Variants in FKBP2 observed in about 807,000 individuals in gnomAD.
FKBP2 encodes peptidyl-prolyl cis-trans isomerase FKBP2.
Under a neutral mutation model 19.4 loss-of-function variants are expected in FKBP2, and 15 were observed. The observed-to-expected ratio is 0.77, with a 90% confidence interval of 0.52 to 1.19. The LOEUF is 1.19. Ranked by LOEUF, FKBP2 falls within the 50% of genes most tolerant of loss-of-function variation. The pLI is 0.00. For synonymous variants in FKBP2, 76 were observed against 74.8 expected, an observed-to-expected ratio of 1.02 and a Z score of -0.08; for missense variants, 170 against 179.0, an observed-to-expected ratio of 0.95 and a Z score of 0.29.
intron 2 of FKBP2, 149 bp downstream of exon 2, chr11:64,242,707 C>T: frequency 1.2e-6 from 1 of 866,450 alleles, no homozygotes; most frequent in Non-Finnish European, 1.7e-6. Context: ...CTGCCTTGCC[C>T]TTGCCTACTG....
At chr11:64,243,047 TG>T in intron 2 of FKBP2, 151 bp from the exon 3 acceptor site, 1 of 665,826 alleles carries the variant, frequency 1.5e-6, no homozygotes, top group Non-Finnish European at 2.7e-6. Context: ...ACTCCAGCCA[TG>T]GCAACAGAGA....
intron 3 of FKBP2, 35 bp downstream of exon 3, chr11:64,243,346 C>A: frequency 6.3e-7 from 1 of 1,596,956 alleles, no homozygotes; most frequent in South Asian, 1.1e-5. Context: ...GGAGTGGGGG[C>A]GTGCATGGCC....
In FKBP2 at chr11:64,244,121, T is replaced by C; in HGVS notation, c.*92T>C. 2 of 1,424,330 alleles carry C rather than the reference T, an allele frequency of 1.4e-6. No homozygotes were observed. The highest frequency in any genetic ancestry group is 1.9e-6 in the Non-Finnish European group (2 of 1,031,508). 88.2% of individuals were successfully genotyped at this position (1,424,330 alleles called of 1,614,324 possible). On this transcript the variant is annotated 3_prime_UTR_variant, in exon 6 of 6. Transcript: ENST00000309366. The stretch of plus-strand genomic sequence containing the variant: ...AAAACAAAAACAAACAAAAAAACAC[T>C]TAAAAGCCCAAGGAGTAAGCCTGTG...
rs762932526 is a variant in FKBP2, at chr11:64,243,957, C to T, written c.368-11C>T. The stretch of plus-strand genomic sequence containing the variant: ...CCTGGTTGGCATTTTGACTCCCCTT[C>T]TCCCCTACAGGTGGTGCAACCCTGG... On this transcript the variant is annotated splice_polypyrimidine_tract_variant and intron_variant, in intron 5 of 5. Coordinates refer to ENST00000309366, the MANE Select transcript of FKBP2 (RefSeq NM_004470.4). 5 of 1,614,000 alleles carry T rather than the reference C, an allele frequency of 3.1e-6. No homozygotes were observed. In the South Asian group the frequency reaches 3.3e-5, roughly 11 times the overall value.
chr11:64,242,634 C>T (rs921483946), intron 2 of FKBP2, 76 bp downstream of exon 2: 42 of 1,451,846 alleles, frequency 2.9e-5, no homozygotes, highest in East Asian at 2.6e-5. Flanking sequence ...GTCTGGTTCT[C>T]CATAAGCCAG....
rs1457150502 is a variant in FKBP2, at chr11:64,242,402, G to C, written c.15G>C (p.Trp5Cys). MRLS[W>C]FRVLTVLSIC... is the part of the protein sequence containing the mutation. ...CCCACAGAGACATGAGGCTGAGCTG[G>C]TTCCGGGTCCTGACAGTACTGTCCA... Residue 5 changes from tryptophan to cysteine, a missense_variant, in exon 2 of 6, where the codon TGG becomes TGC. Transcript: ENST00000309366. 1.9e-6 allele frequency: 3 copies of C among 1,544,310 alleles called. No homozygotes were observed. The highest frequency in any genetic ancestry group is 2.6e-6 in the Non-Finnish European group (3 of 1,149,438).
intron 2 of FKBP2, 61 bp from the exon 3 acceptor site, chr11:64,243,138 T>C: frequency 6.8e-7 from 1 of 1,479,248 alleles, no homozygotes; most frequent in Non-Finnish European, 9.4e-7. Context: ...GGAAAGCAGC[T>C]GAGGGAGGGG....
intron 4 of FKBP2, 99 bp downstream of exon 4, chr11:64,243,596 T>G: frequency 6.9e-7 from 1 of 1,450,906 alleles, no homozygotes; most frequent in Non-Finnish European, 9.6e-7. Context: ...CCGTATCCAT[T>G]CATTACAATA....
chr11:64,244,018 A>C lies in FKBP2; in HGVS notation c.418A>C (p.Thr140Pro). Residue 140 changes from threonine to proline, a missense_variant, in exon 6 of 6, where the codon ACT (threonine) becomes CCT (proline). Coordinates refer to ENST00000309366, the MANE Select transcript of FKBP2 (RefSeq NM_004470.4). ...GGAGCTGCTCAAAATAGAGCGACGA[A>C]CTGAGCTGTAACCAGACTGGGGAGG... ...EVELLKIERRTEL is the reference protein window; with the variant it reads ...EVELLKIERRPEL The C allele has an allele frequency of 6.2e-7, 1 of 1,613,972 alleles. No individual in the cohort carries two copies. The highest frequency in any genetic ancestry group is 8.5e-7 in the Non-Finnish European group (1 of 1,179,966).
In FKBP2 at chr11:64,242,519, C is replaced by G; in HGVS notation, c.132C>G (p.Ile44Met). Reference protein sequence around the residue: ...GVKKRVDHCPIKSRKGDVLHM... With the variant: ...GVKKRVDHCPMKSRKGDVLHM... ...AGAAGCGGGTGGACCACTGTCCCAT[C>G]AAATCGCGCAAAGGGGATGTCCTGC... Residue 44 changes from isoleucine (I) to methionine (M), a missense_variant, in exon 2 of 6, where the codon ATC (isoleucine) becomes ATG (methionine). Physicochemically the swap from Ile to Met is conservative, Grantham distance 10. Transcript: ENST00000309366. 1.9e-6 allele frequency: 3 copies of G among 1,550,764 alleles called. No homozygotes were observed. The highest frequency in any genetic ancestry group is 2.6e-6 in the Non-Finnish European group (3 of 1,154,836).
rs1157988467 is a variant in FKBP2 at position 64,243,312 on chromosome 11, G to T, written c.284+1G>T. On this transcript the variant is annotated splice_donor_variant, in intron 3 of 5. Transcript: ENST00000309366. LOFTEE classifies it high-confidence loss of function. ...AGGGCTGGGACCAGGGGCTGCTGGG[G>T]TGAGTCATGGGGGAATGGGCTTGGG... The T allele has an allele frequency of 3.5e-5, 56 of 1,602,388 alleles. No homozygotes were observed. The highest frequency in any genetic ancestry group is 4.4e-5 in the Non-Finnish European group (52 of 1,173,198).
chr11:64,242,462 C>G lies in FKBP2; in HGVS notation c.75C>G (p.Ala25=). 1 of 1,547,298 alleles carries G rather than the reference C, an allele frequency of 6.5e-7. No homozygotes were observed. The highest frequency in any genetic ancestry group is 1.2e-5 in the South Asian group (1 of 83,038). ...GCGCCGTGGCCACGGCCACGGGGGCCGAGGGCAAAAGGAAGCTGCAGATCG... is the reference window on the plus strand; with the variant it reads ...GCGCCGTGGCCACGGCCACGGGGGCGGAGGGCAAAAGGAAGCTGCAGATCG... ...CLSAVATATG[A]EGKRKLQIGV... Residue 25 remains alanine, a synonymous_variant, in exon 2 of 6, where the codon GCC becomes GCG. Transcript: ENST00000309366.
At position 64,243,465 on chromosome 11, in the gene FKBP2, A is replaced by G. The variant is rs760235449; in HGVS notation, c.299A>G (p.Glu100Gly). 2.5e-6 allele frequency: 4 copies of G among 1,613,886 alleles called. No homozygotes were observed. The Admixed American group carries it at 6.7e-5, about 27-fold the overall frequency. ...DQGLLGMCEG[E>G]KRKLVIPSEL... Reference sequence around the variant, plus strand: ...TCTTCCTGCAGGATGTGTGAGGGGGAAAAGCGCAAGCTGGTGATCCCATCC... The same window carrying G: ...TCTTCCTGCAGGATGTGTGAGGGGGGAAAGCGCAAGCTGGTGATCCCATCC... The change falls in exon 4 of 6, where the codon GAA (glutamate) becomes GGA (glycine). Residue 100 changes from glutamate to glycine, a missense_variant. Coordinates refer to ENST00000309366, the MANE Select transcript of FKBP2 (RefSeq NM_004470.4).
chr11:64,243,370 TAAGCTGTGGGAGGC>T (rs2135015989), intron 3 of FKBP2, 59 bp downstream of exon 3: 1 of 1,604,766 alleles, frequency 6.2e-7, no homozygotes, highest in Non-Finnish European at 8.5e-7. Context: ...GCCCAGGAGG[TAAGCTGTGGGAGGC>T]AAGCCCCAGG....
chr11:64,242,955 C>G (rs545235474), intron 2 of FKBP2, among the ~76,000 whole-genome samples: 8 of 152,290 alleles, frequency 5.3e-5, no homozygotes, highest in Non-Finnish European at 1.0e-4. Context: ...GCCTATAATC[C>G]CAGCTACTTG....
chr11:64,243,801 C>T, intron 4 of FKBP2, 40 bp from the exon 5 acceptor site: 2 of 1,612,880 alleles, frequency 1.2e-6, no homozygotes, highest in Non-Finnish European at 1.7e-6. Context: ...TGGAAGGGAG[C>T]TTGGCCATCA....
Position 64,243,293 on chromosome 11 carries a change from G to A in FKBP2, c.266G>A (p.Trp89Ter), listed in dbSNP as rs751163736. ...SLGTGQVIKG[W>*]DQGLLGMCEG... ...GGCACAGGCCAGGTCATCAAGGGCT[G>A]GGACCAGGGGCTGCTGGGGTGAGTC... Residue 89 changes from tryptophan (W) to a stop codon, truncating the protein, a stop_gained, in exon 3 of 6, where the codon TGG becomes TAG. Transcript: ENST00000309366. LOFTEE classifies it high-confidence loss of function. 2 of 1,606,976 alleles carry A rather than the reference G, an allele frequency of 1.2e-6. No homozygotes were observed. Among genetic ancestry groups the A allele is most frequent in the Admixed American group, 1.7e-5 (1 of 59,488 alleles).
chr11:64,242,463 G>A lies in FKBP2; in HGVS notation c.76G>A (p.Glu26Lys). Reference protein sequence around the residue: ...LSAVATATGAEGKRKLQIGVK... With the variant: ...LSAVATATGAKGKRKLQIGVK... Reference sequence around the variant, plus strand: ...CGCCGTGGCCACGGCCACGGGGGCCGAGGGCAAAAGGAAGCTGCAGATCGG... The same window carrying A: ...CGCCGTGGCCACGGCCACGGGGGCCAAGGGCAAAAGGAAGCTGCAGATCGG... Residue 26 changes from glutamate to lysine, a missense_variant, in exon 2 of 6, where the codon GAG (glutamate) becomes AAG (lysine). By Grantham distance (56) the Glu-to-Lys change is moderately conservative. Coordinates refer to ENST00000309366, the MANE Select transcript of FKBP2 (RefSeq NM_004470.4). 1 of 1,548,912 alleles carries A rather than the reference G, an allele frequency of 6.5e-7. No homozygotes were observed. Among genetic ancestry groups the A allele is most frequent in the Non-Finnish European group, 8.7e-7 (1 of 1,154,878 alleles).
intron 1 of FKBP2, 28 bp from the exon 2 acceptor site, chr11:64,242,356 G>A (rs781725907): frequency 1.4e-6 from 2 of 1,472,940 alleles, no homozygotes; most frequent in East Asian, 5.4e-5. Context: ...CCCACGTTCA[G>A]TCGGTCGGTC....
Sources: gnomAD v4.1 joint callset for allele counts (sites outside exome capture counted in the v4.1 genomes callset) on GRCh38, gnomAD v4.1.1 for gene constraint, MANE v1.5 for transcripts, NCBI Gene and HGNC (gene_info 2026-07-23, HGNC 2026-07-21) for gene names.